Variants in TAFA1 observed in about 807,000 individuals in gnomAD.
The protein encoded by TAFA1 is chemokine-like protein TAFA-1.
A neutral mutation model predicts 18.5 loss-of-function variants in TAFA1; 4 were observed. The observed-to-expected ratio is 0.22, with a 90% confidence interval of 0.11 to 0.49. TAFA1 has a LOEUF of 0.49. TAFA1 is among the 20% of genes least tolerant of loss of function. The pLI is 0.98. For synonymous variants in TAFA1, 56 were observed against 55.2 expected (o/e 1.01, Z -0.06); for missense variants, 147 against 169.0 (o/e 0.87, Z 0.72).
At chr3:68,336,434 T>C (rs1323688945) in intron 2 of TAFA1, among the ~76,000 whole-genome samples, 2 of 152,242 alleles carry the variant, frequency 1.3e-5, no homozygotes, top group African/African-American at 4.8e-5. Context: ...CTATATCTTA[T>C]TTTTAAAGAA....
intron 2 of TAFA1, among the ~76,000 whole-genome samples, chr3:68,318,626 CTTT>C (rs969604260): frequency 2.0e-4 from 31 of 152,246 alleles, no homozygotes; most frequent in Admixed American, 2.0e-3. Context: ...TTTTCTTCTT[CTTT>C]GAGTGTTTAA....
chr3:68,522,351 C>T (rs889263269), intron 3 of TAFA1, among the ~76,000 whole-genome samples: 2 of 152,082 alleles, frequency 1.3e-5, no homozygotes, highest in African/African-American at 2.4e-5. Context: ...AGTCTCTACT[C>T]GATGGGCCAG....
intron 2 of TAFA1, among the ~76,000 whole-genome samples, chr3:68,381,172 G>A (rs1559642821): frequency 6.8e-6 from 1 of 146,130 alleles, no homozygotes; most frequent in African/African-American, 2.6e-5. Flanking sequence ...GGTTACTGTA[G>A]CCTTGTAGTA....
At chr3:68,384,623 GAGA>G (rs2070051031) in intron 2 of TAFA1, among the ~76,000 whole-genome samples, 1 of 152,044 alleles carries the variant, frequency 6.6e-6, no homozygotes, top group South Asian at 2.1e-4. Flanking sequence ...ATGTGACAAT[GAGA>G]AGAATATATA....
intron 2 of TAFA1, among the ~76,000 whole-genome samples, chr3:68,142,259 T>C (rs1254525977): frequency 6.6e-6 from 1 of 152,214 alleles, no homozygotes; most frequent in Non-Finnish European, 1.5e-5. Context: ...CTCTATTGCA[T>C]ATGGGAAAAG....
intron 2 of TAFA1, among the ~76,000 whole-genome samples, chr3:68,405,694 T>A (rs2070588864): frequency 1.6e-5 from 1 of 61,516 alleles, no homozygotes; most frequent in Non-Finnish European, 3.0e-5. Flanking sequence ...AGTGAGACTC[T>A]ATCTCAAAAA....
intron 2 of TAFA1, among the ~76,000 whole-genome samples, chr3:68,255,361 C>T (rs374372785): frequency 1.4e-3 from 216 of 152,088 alleles, no homozygotes; most frequent in African/African-American, 4.9e-3. Flanking sequence ...TTTATTGGTT[C>T]GGTTCTGATT....
chr3:68,498,058 A>G (rs1404779019), intron 3 of TAFA1, among the ~76,000 whole-genome samples: 2 of 152,150 alleles, frequency 1.3e-5, no homozygotes, highest in East Asian at 1.9e-4. Context: ...TTCTTTACCA[A>G]CGTAGCTTGA....
chr3:68,225,495 C>T (rs978236021), intron 2 of TAFA1, among the ~76,000 whole-genome samples: 8 of 152,114 alleles, frequency 5.3e-5, no homozygotes, highest in African/African-American at 1.7e-4. Context: ...CAGCTGGCAA[C>T]CTTGGAGAGG....
chr3:68,456,809 T>C (rs1036608792), intron 3 of TAFA1, among the ~76,000 whole-genome samples: 1 of 152,204 alleles, frequency 6.6e-6, no homozygotes, highest in African/African-American at 2.4e-5. Flanking sequence ...CAATGGTCCT[T>C]AAGCCGGATT....
intron 3 of TAFA1, among the ~76,000 whole-genome samples, chr3:68,525,847 C>A (rs1044461235): frequency 5.4e-5 from 8 of 148,410 alleles, no homozygotes; most frequent in Admixed American, 2.0e-4. Flanking sequence ...TTCTCTCTCT[C>A]TTTTTTTTTT....
chr3:68,431,581 A>T (rs1475949548), intron 3 of TAFA1, among the ~76,000 whole-genome samples: 4 of 152,018 alleles, frequency 2.6e-5, no homozygotes, highest in Non-Finnish European at 5.9e-5. Context: ...GTCAAGATTC[A>T]ACCTCAGCAA....
intron 2 of TAFA1, chr3:68,192,708 T>C (rs541629621): frequency 2.4e-5 from 2 of 82,268 alleles, no homozygotes; most frequent in African/African-American, 6.6e-5. Flanking sequence ...AAATCATTAG[T>C]ATTAAAAAAT....
chr3:68,098,574 T>C (rs1459231349), intron 2 of TAFA1, among the ~76,000 whole-genome samples: 1 of 152,120 alleles, frequency 6.6e-6, no homozygotes, highest in African/African-American at 2.4e-5. Flanking sequence ...TGATGAGATA[T>C]CTGCTTGGAG....
intron 2 of TAFA1, among the ~76,000 whole-genome samples, chr3:68,210,849 T>C (rs2066587704): frequency 6.6e-6 from 1 of 152,032 alleles, no homozygotes; most frequent in South Asian, 2.1e-4. Context: ...CAGTACTGGC[T>C]TTGTTGGGTG....
rs148794780 is a variant in TAFA1, at chr3:68,257,308, A to T, written c.119-159972A>T. On this transcript the variant is annotated intron_variant, in intron 2 of 4. Transcript: ENST00000478136. ...CTCCCCATCCTTAATCTAATTTCCA[A>T]CAGGGCATACTGACCTTTTCCTTTG... 7.9e-5 allele frequency among the ~76,000 whole-genome samples: 12 copies of T among 152,172 alleles called. No homozygotes were observed. In the East Asian group the frequency reaches 2.3e-3, roughly 29 times the overall value.
intron 2 of TAFA1, among the ~76,000 whole-genome samples, chr3:68,404,657 C>G (rs1028103762): frequency 6.6e-6 from 1 of 151,994 alleles, no homozygotes; most frequent in Non-Finnish European, 1.5e-5. Context: ...ATTAGCCAGG[C>G]GTGGTGGCAG....
intron 2 of TAFA1, among the ~76,000 whole-genome samples, chr3:68,324,147 A>G (rs1035431680): frequency 6.6e-6 from 1 of 151,190 alleles, no homozygotes; most frequent in Non-Finnish European, 1.5e-5. Context: ...TGAATTAAGG[A>G]AAATAAGGAT....
chr3:68,247,574 G>C (rs907485745), intron 2 of TAFA1: 1 of 152,172 alleles, frequency 6.6e-6, no homozygotes, highest in Non-Finnish European at 1.5e-5. Context: ...AGGGCTGTAA[G>C]GGTGGCCGTA....
Sources: allele counts gnomAD v4.1 joint callset (sites outside exome capture counted in the v4.1 genomes callset), GRCh38; gene constraint gnomAD v4.1.1; transcripts MANE v1.5; gene names NCBI Gene and HGNC (gene_info 2026-07-23, HGNC 2026-07-21).